The following UBN2 variants were observed in gnomAD, a reference collection of about 807,000 sequenced individuals.
UBN2 encodes ubinuclein 2.
UBN2 carries 35 observed loss-of-function variants against 120.2 expected under a neutral mutation model. The ratio of observed to expected loss-of-function variants is 0.29; its 90% confidence interval spans 0.22 to 0.39. The LOEUF is 0.39. UBN2 is among the 10% of genes least tolerant of loss of function. UBN2 has a pLI of 1.00. For synonymous variants in UBN2, 661 were observed against 648.7 expected (o/e 1.02, Z -0.29); for missense variants, 1,693 against 1,663.2 (o/e 1.02, Z -0.31).
At chr7:139,315,567 T>C in the UBN2 span, among the ~76,000 whole-genome samples, 6 of 152,314 alleles carry the variant, frequency 3.9e-5, no homozygotes, top group Non-Finnish European at 2.9e-5. Context: ...TGTTTCCACT[T>C]TTTAGCAATT....
chr7:139,284,302 C>T lies in UBN2; in HGVS notation c.3397C>T (p.Arg1133Cys), dbSNP rs770109777. The T allele has an allele frequency of 1.1e-5, 18 of 1,614,022 alleles. No individual in the cohort carries two copies. The highest frequency in any genetic ancestry group is 6.6e-5 in the South Asian group (6 of 91,084). ...SPTLNLLPSS[R>C]TSGLPPTKNL... is the part of the protein sequence containing the mutation. Reference sequence around the variant, plus strand: ...CACCTTGAATTTATTGCCCTCTAGTCGCACTTCAGGCCTTCCACCTACAAA... The same window carrying T: ...CACCTTGAATTTATTGCCCTCTAGTTGCACTTCAGGCCTTCCACCTACAAA... The change falls in exon 15 of 18, where the codon CGC becomes TGC. Residue 1133 changes from arginine (R) to cysteine (C), a missense_variant. Physicochemically the swap from Arg to Cys is radical, Grantham distance 180. This residue lies in a region of UBN2 where 837 missense variants were observed against 817.6 expected (regional missense o/e 1.02). Transcript: ENST00000473989.
Position 139,304,535 on chromosome 7 carries a change from G to A in UBN2, c.*6699G>A. ...CTGAGCAACGATTGTTGGAGTGTGTGTGTAAATTTAAATTGTAGCACATAT... is the reference window on the plus strand; with the variant it reads ...CTGAGCAACGATTGTTGGAGTGTGTATGTAAATTTAAATTGTAGCACATAT... On this transcript the variant is annotated 3_prime_UTR_variant, in exon 18 of 18. Coordinates refer to ENST00000473989, the MANE Select transcript of UBN2 (RefSeq NM_173569.4). The A allele has an allele frequency of 6.6e-6, 1 of 152,176 alleles. No individual in the cohort carries two copies. Among genetic ancestry groups the A allele is most frequent in the East Asian group, 1.9e-4 (1 of 5,202 alleles). 9.4% of individuals were successfully genotyped at this position (152,176 alleles called of 1,614,324 possible).
At chr7:139,317,141 A>T in the UBN2 span, among the ~76,000 whole-genome samples, 1 of 151,704 alleles carries the variant, frequency 6.6e-6, no homozygotes, top group African/African-American at 2.4e-5. Flanking sequence ...ATTCTGTTTG[A>T]TGTTCCACAA....
rs574903798 is a variant in UBN2, at chr7:139,276,380, A to T, written c.2024+233A>T. 8 of 498,606 alleles carry T rather than the reference A, an allele frequency of 1.6e-5. No homozygotes were observed. In the East Asian group the frequency reaches 2.9e-4, roughly 18 times the overall value. 30.9% of individuals were successfully genotyped at this position (498,606 alleles called of 1,614,324 possible). ...ATGGCCTGGGATTCTGGTAGTAGGG[A>T]AGCATGAAGGCTCAGGGATTTTCCT... On this transcript the variant is annotated intron_variant, in intron 12 of 17. Coordinates refer to ENST00000473989, the MANE Select transcript of UBN2 (RefSeq NM_173569.4).
intron 15 of UBN2, among the ~76,000 whole-genome samples, chr7:139,292,947 A>T (rs551767153): frequency 6.6e-6 from 1 of 152,182 alleles, no homozygotes; most frequent in Non-Finnish European, 1.5e-5. Flanking sequence ...AATTGCATGG[A>T]ATTACTTACT....
chr7:139,299,823 G>A lies in UBN2; in HGVS notation c.*1987G>A, dbSNP rs1336194224. ...AATGTAGTGGACCTCTTGCTTTTAC[G>A]AAATATGAATAAAAAGGTCTTTGCT... On this transcript the variant is annotated 3_prime_UTR_variant, in exon 18 of 18. Transcript: ENST00000473989. The A allele has an allele frequency of 6.6e-6, 1 of 151,996 alleles. No individual in the cohort carries two copies. Among genetic ancestry groups the A allele is most frequent in the Non-Finnish European group, 1.5e-5 (1 of 67,996 alleles). The allele number at this position is 151,996 out of a possible 1,614,324, so 9.4% of individuals were successfully genotyped here. A position where few individuals can be genotyped will look rare whatever the true frequency, so the allele number is the denominator to read the frequency against.
At chr7:139,249,311 G>GT (rs886700504) in intron 2 of UBN2, among the ~76,000 whole-genome samples, 2 of 152,084 alleles carry the variant, frequency 1.3e-5, no homozygotes, top group Non-Finnish European at 2.9e-5. Flanking sequence ...TAGGAGTTAG[G>GT]TTTTTTTAGC....
downstream of UBN2, among the ~76,000 whole-genome samples, chr7:139,310,059 A>G (rs76512603): frequency 7.7e-3 from 1,173 of 152,260 alleles, 19 homozygotes; most frequent in African/African-American, 0.027. Flanking sequence ...AGAGGGAGAA[A>G]GAAATGGGAA....
chr7:139,275,019 T>TG (rs1396988449), intron 11 of UBN2, among the ~76,000 whole-genome samples: 2 of 152,000 alleles, frequency 1.3e-5, no homozygotes, highest in Non-Finnish European at 2.9e-5. Context: ...GGCTCACACC[T>TG]GTAATAGCAG....
chr7:139,236,795 G>A (rs752099961), intron 1 of UBN2, among the ~76,000 whole-genome samples: 2 of 150,870 alleles, frequency 1.3e-5, no homozygotes, highest in Admixed American at 1.3e-4. Context: ...AAGTTGTCTC[G>A]TATTGGTTAA....
In UBN2 at chr7:139,273,828, A is replaced by G. The variant is rs1797360868; in HGVS notation, c.1830-103A>G. On this transcript the variant is annotated intron_variant, in intron 10 of 17. Coordinates refer to ENST00000473989, the MANE Select transcript of UBN2 (RefSeq NM_173569.4). ...TGGTGCAATGAATGATATATGTTAG[A>G]AATTGTTTGTTATTTTCTGAATTTT... 2.4e-5 allele frequency: 24 copies of G among 1,007,652 alleles called. No individual in the cohort carries two copies. In the East Asian group the frequency reaches 6.5e-4, roughly 27 times the overall value. 62.4% of individuals were successfully genotyped at this position (1,007,652 alleles called of 1,614,324 possible). A position where few individuals can be genotyped will look rare whatever the true frequency, so the allele number is the denominator to read the frequency against.
intron 12 of UBN2, among the ~76,000 whole-genome samples, chr7:139,278,639 T>C (rs1429436079): frequency 6.6e-6 from 1 of 151,946 alleles, no homozygotes; most frequent in Admixed American, 6.6e-5. Flanking sequence ...ACATAGAAAA[T>C]TACTGTTGCC....
intron 2 of UBN2, among the ~76,000 whole-genome samples, chr7:139,251,584 T>C (rs535963225): frequency 1.0e-3 from 153 of 152,350 alleles, no homozygotes; most frequent in Non-Finnish European, 1.6e-3. Flanking sequence ...TGGTTTTGTC[T>C]GATGGTTTTC....
chr7:139,252,371 A>G (rs1001732939), intron 3 of UBN2, among the ~76,000 whole-genome samples: 1 of 152,156 alleles, frequency 6.6e-6, no homozygotes, highest in Non-Finnish European at 1.5e-5. Flanking sequence ...TTCTGTCACA[A>G]CTACACAAGT....
At chr7:139,236,806 A>C (rs1202360757) in intron 1 of UBN2, among the ~76,000 whole-genome samples, 199 bp from the exon 2 acceptor site, 2 of 151,970 alleles carry the variant, frequency 1.3e-5, no homozygotes, top group Non-Finnish European at 2.9e-5. Context: ...TATTGGTTAA[A>C]TTTAAGATAT....
At chr7:139,279,442 A>G in intron 13 of UBN2, 82 bp downstream of exon 13, 1 of 1,144,040 alleles carries the variant, frequency 8.7e-7, no homozygotes, top group Non-Finnish European at 1.3e-6. Context: ...GATGTATGGT[A>G]TTTAGCAGAG....
At chr7:139,264,557 T>G (rs551987341) in intron 6 of UBN2, among the ~76,000 whole-genome samples, 1 of 152,094 alleles carries the variant, frequency 6.6e-6, no homozygotes, top group East Asian at 1.9e-4. Flanking sequence ...GGACCTCTTT[T>G]TTTTGACCTA....
intron 15 of UBN2, among the ~76,000 whole-genome samples, chr7:139,290,774 G>C (rs1215776170): frequency 6.6e-6 from 1 of 152,184 alleles, no homozygotes; most frequent in Admixed American, 6.5e-5. Context: ...GGCAGTTAAA[G>C]AACCAGGAAG....
At chr7:139,323,182 AG>A in the UBN2 span, among the ~76,000 whole-genome samples, 1 of 152,288 alleles carries the variant, frequency 6.6e-6, no homozygotes, top group East Asian at 1.9e-4. Context: ...GGCCGGGTGC[AG>A]TGGTTCATAC....
Sources: allele counts gnomAD v4.1 joint callset (sites outside exome capture counted in the v4.1 genomes callset), GRCh38; gene constraint gnomAD v4.1.1; regional missense constraint gnomAD v4.1.1; transcripts MANE v1.5; gene names NCBI Gene and HGNC (gene_info 2026-07-23, HGNC 2026-07-21).